Variants in ARHGEF3 observed in about 807,000 individuals in gnomAD.
ARHGEF3 encodes Rho guanine nucleotide exchange factor 3.
In ARHGEF3, 28 loss-of-function variants were observed where a neutral mutation model predicts 63.2. The ratio of observed to expected loss-of-function variants is 0.44; its 90% CI spans 0.33 to 0.61. ARHGEF3 has a LOEUF of 0.61. Among genes scored for constraint, ARHGEF3 ranks in the 20% least tolerant of loss-of-function variants. ARHGEF3 has a pLI of 0.03. For synonymous variants in ARHGEF3, 266 were observed against 254.2 expected, an observed-to-expected ratio of 1.05 and a Z score of -0.44; for missense variants, 533 against 659.3, an observed-to-expected ratio of 0.81 and a Z score of 2.10.
intron 3 of ARHGEF3, among the ~76,000 whole-genome samples, chr3:56,754,725 T>A (rs1168021568): frequency 1.3e-5 from 2 of 152,226 alleles, no homozygotes; most frequent in African/African-American, 4.8e-5. Context: ...AACTTCAGAA[T>A]CCTAAATAGA....
chr3:56,848,564 C>T (rs956228594), intron 4 of ARHGEF3, among the ~76,000 whole-genome samples: 1 of 152,250 alleles, frequency 6.6e-6, no homozygotes, highest in Non-Finnish European at 1.5e-5. Context: ...TTGTTGTTAT[C>T]ACATAATAAA....
chr3:56,945,874 C>A (rs1436136371), intron 3 of ARHGEF3, among the ~76,000 whole-genome samples: 1 of 152,140 alleles, frequency 6.6e-6, no homozygotes, highest in African/African-American at 2.4e-5. Flanking sequence ...TGGGAGGCAC[C>A]CCCCAGTACG....
intron 2 of ARHGEF3, chr3:57,007,238 A>C: frequency 7.8e-7 from 1 of 1,289,766 alleles, no homozygotes; most frequent in South Asian, 1.2e-5. Context: ...GGTCAATAAC[A>C]CCATACTTCA....
intron 3 of ARHGEF3, among the ~76,000 whole-genome samples, chr3:56,915,419 T>C (rs2041962130): frequency 6.6e-6 from 1 of 152,150 alleles, no homozygotes; most frequent in Admixed American, 6.5e-5. Flanking sequence ...TGAGCCGTGA[T>C]TGTGCCACTA....
intron 2 of ARHGEF3, among the ~76,000 whole-genome samples, chr3:56,769,683 T>C (rs1198467254): frequency 6.6e-6 from 1 of 152,206 alleles, no homozygotes; most frequent in Non-Finnish European, 1.5e-5. Flanking sequence ...GGCTAACTTG[T>C]GGTCTCCTGA....
chr3:56,810,190 TAATC>T (rs1240302087), intron 4 of ARHGEF3, among the ~76,000 whole-genome samples: 1 of 152,168 alleles, frequency 6.6e-6, no homozygotes. Flanking sequence ...ACAAACTCAG[TAATC>T]AAAGTACCGT....
chr3:56,993,375 G>A (rs1388085855), intron 2 of ARHGEF3, among the ~76,000 whole-genome samples: 2 of 151,820 alleles, frequency 1.3e-5, no homozygotes, highest in African/African-American at 4.8e-5. Flanking sequence ...TTTTTGTTGT[G>A]CTTTTGTTTT....
intron 2 of ARHGEF3, among the ~76,000 whole-genome samples, chr3:56,765,729 T>C (rs1246918882): frequency 6.6e-6 from 1 of 152,178 alleles, no homozygotes; most frequent in Non-Finnish European, 1.5e-5. Flanking sequence ...GCAGCCTTCC[T>C]TGACGACCCC....
At chr3:56,872,116 T>C (rs559202706) in intron 4 of ARHGEF3, among the ~76,000 whole-genome samples, 92 of 152,360 alleles carry the variant, frequency 6.0e-4, no homozygotes, top group African/African-American at 2.2e-3. Flanking sequence ...TTTATAACTA[T>C]ATTTCAACAT....
chr3:56,790,184 C>T (rs762425472), intron 1 of ARHGEF3, among the ~76,000 whole-genome samples: 3 of 152,328 alleles, frequency 2.0e-5, no homozygotes, highest in Non-Finnish European at 2.9e-5. Context: ...GAAGCAAGCT[C>T]CTGTTCCTCG....
chr3:56,821,730 G>A (rs1329343749), intron 4 of ARHGEF3, among the ~76,000 whole-genome samples: 2 of 152,038 alleles, frequency 1.3e-5, no homozygotes, highest in Non-Finnish European at 1.5e-5. Flanking sequence ...TTGGGAGGCC[G>A]AGGTGGGTGG....
intron 1 of ARHGEF3, among the ~76,000 whole-genome samples, chr3:57,036,705 A>G (rs1188667338): frequency 1.3e-5 from 2 of 152,174 alleles, no homozygotes; most frequent in South Asian, 2.1e-4. Flanking sequence ...ACTGAGGGAT[A>G]GTGTATTGGT....
intron 1 of ARHGEF3, among the ~76,000 whole-genome samples, chr3:56,789,020 ATGCTGCTGCTGC>A (rs34620976): frequency 2.3e-3 from 349 of 149,222 alleles, no homozygotes; most frequent in East Asian, 5.4e-3. Context: ...TTCAAGATAG[ATGCTGCTGCTGC>A]TGCTGCTGCT....
intron 3 of ARHGEF3, chr3:56,958,701 G>T: frequency 9.4e-7 from 1 of 1,058,942 alleles, no homozygotes; most frequent in Non-Finnish European, 1.4e-6. Context: ...GTAAAGCACA[G>T]ATGCGCTCCT....
intron 1 of ARHGEF3, chr3:57,079,134 G>T: frequency 2.7e-6 from 1 of 369,882 alleles, no homozygotes; most frequent in South Asian, 1.3e-4. Context: ...GTCTCACTCC[G>T]GGAGACCTAG....
At chr3:57,058,994 G>C (rs1376792300) in intron 1 of ARHGEF3, among the ~76,000 whole-genome samples, 4 of 123,150 alleles carry the variant, frequency 3.2e-5, no homozygotes, top group Non-Finnish European at 6.6e-5. Flanking sequence ...GACTGTTGTG[G>C]GGTGGGGGGA....
intron 2 of ARHGEF3, among the ~76,000 whole-genome samples, chr3:56,985,952 G>T (rs1701519956): frequency 1.3e-5 from 2 of 152,166 alleles, no homozygotes; most frequent in South Asian, 4.1e-4. Context: ...GCTGCTGCTG[G>T]GCTCCCAGAG....
intron 1 of ARHGEF3, among the ~76,000 whole-genome samples, chr3:57,064,664 G>T (rs1705426317): frequency 6.6e-6 from 1 of 152,206 alleles, no homozygotes; most frequent in Non-Finnish European, 1.5e-5. Context: ...AGCACATTAT[G>T]CTGAGTGAAA....
At chr3:56,828,792 C>G (rs1340470729) in intron 4 of ARHGEF3, among the ~76,000 whole-genome samples, 1 of 152,168 alleles carries the variant, frequency 6.6e-6, no homozygotes, top group East Asian at 1.9e-4. Flanking sequence ...TATGGCACAT[C>G]TTTAACCACG....
Sources: allele counts gnomAD v4.1 joint callset (sites outside exome capture counted in the v4.1 genomes callset), GRCh38; gene constraint gnomAD v4.1.1; transcripts MANE v1.5; gene names NCBI Gene and HGNC (gene_info 2026-07-23, HGNC 2026-07-21).